TRPM6: variants seen among roughly 807,000 people sequenced by gnomAD.
TRPM6 encodes channel kinase 2.
In TRPM6, 111 loss-of-function variants were observed where a neutral mutation model predicts 247.6. That is an observed-to-expected ratio of 0.45 (90% CI 0.38 to 0.52). The LOEUF is 0.52. Ranked by LOEUF, TRPM6 falls within the 20% of genes least tolerant of loss-of-function variation. The pLI, the probability that TRPM6 is intolerant of heterozygous loss-of-function variation, is 0.00. For synonymous variants in TRPM6, 892 were observed against 853.8 expected (o/e 1.04, Z -0.78); for missense variants, 2,126 against 2,421.5 (o/e 0.88, Z 2.56).
In TRPM6 at chr9:74,841,846, T is replaced by C. The variant is rs116082216; in HGVS notation, c.330+320A>G. On this transcript the variant is annotated intron_variant, in intron 4 of 38. Coordinates refer to ENST00000360774, the MANE Select transcript of TRPM6 (RefSeq NM_017662.5). ...TAATTCCTTTATTCCAAAATTAAAA[T>C]ATTAAAATTTCTGAACATCAGGAAC... Among the ~76,000 whole-genome samples the C allele has an allele frequency of 9.8e-3, 1,493 of 152,156 alleles. 27 individuals are homozygous for C. The highest frequency in any genetic ancestry group is 0.034 in the African/African-American group (1,419 of 41,542).
intron 34 of TRPM6, 79 bp from the exon 35 acceptor site, chr9:74,739,528 C>T (rs544961850): frequency 3.5e-4 from 532 of 1,534,642 alleles, no homozygotes; most frequent in Non-Finnish European, 4.6e-4. Context: ...TAGGCTACCC[C>T]AATGTGATTT....
At chr9:74,814,947 CAA>C (rs1166709010) in intron 11 of TRPM6, among the ~76,000 whole-genome samples, 1 of 151,370 alleles carries the variant, frequency 6.6e-6, no homozygotes, top group Non-Finnish European at 1.5e-5. Flanking sequence ...GACCCTATCT[CAA>C]AAATAAATAA....
chr9:74,847,154 T>C (rs1180244030), intron 3 of TRPM6, among the ~76,000 whole-genome samples: 1 of 152,204 alleles, frequency 6.6e-6, no homozygotes, highest in Non-Finnish European at 1.5e-5. Flanking sequence ...CACATTTCCT[T>C]TGTAAAAAAA....
intron 6 of TRPM6, among the ~76,000 whole-genome samples, chr9:74,829,890 C>G (rs914690048): frequency 1.3e-5 from 2 of 151,876 alleles, no homozygotes; most frequent in African/African-American, 4.8e-5. Context: ...TTTGGGAGGC[C>G]AAGGCAGGAA....
intron 1 of TRPM6, among the ~76,000 whole-genome samples, chr9:74,886,083 T>C (rs1831519973): frequency 6.6e-6 from 1 of 152,204 alleles, no homozygotes; most frequent in Non-Finnish European, 1.5e-5. Flanking sequence ...TTGTGACAAA[T>C]TGCAACATAT....
intron 5 of TRPM6, among the ~76,000 whole-genome samples, chr9:74,837,637 G>A (rs1450081163): frequency 2.9e-4 from 44 of 151,990 alleles, no homozygotes; most frequent in African/African-American, 9.9e-4. Context: ...TAGTAGAGAC[G>A]GGGTTTCACC....
At chr9:74,741,471 T>A (rs1405734300) in intron 33 of TRPM6, among the ~76,000 whole-genome samples, 1 of 152,162 alleles carries the variant, frequency 6.6e-6, no homozygotes, top group Non-Finnish European at 1.5e-5. Context: ...CAAATATTTA[T>A]TCTTGGTGCC....
At chr9:74,878,414 C>T (rs1831256302) in intron 1 of TRPM6, among the ~76,000 whole-genome samples, 1 of 152,202 alleles carries the variant, frequency 6.6e-6, no homozygotes. Context: ...CACTAGGGCC[C>T]AAGGACTGGC....
intron 20 of TRPM6, among the ~76,000 whole-genome samples, chr9:74,787,981 C>T (rs1203923101): frequency 6.6e-6 from 1 of 151,912 alleles, no homozygotes; most frequent in Non-Finnish European, 1.5e-5. Context: ...TCCCAAAGTG[C>T]TGGGATTACA....
intron 7 of TRPM6, among the ~76,000 whole-genome samples, chr9:74,822,467 T>A (rs529938381): frequency 6.6e-6 from 1 of 151,388 alleles, no homozygotes; most frequent in African/African-American, 2.4e-5. Context: ...GTTGCTCAGG[T>A]TGATCTCAAG....
intron 1 of TRPM6, among the ~76,000 whole-genome samples, chr9:74,867,823 C>G (rs1233660945): frequency 6.6e-6 from 1 of 151,250 alleles, no homozygotes; most frequent in East Asian, 2.0e-4. Flanking sequence ...AAATTGATAC[C>G]TCTAAGAATA....
intron 25 of TRPM6, among the ~76,000 whole-genome samples, chr9:74,765,316 T>A (rs924913529): frequency 6.6e-6 from 1 of 150,810 alleles, no homozygotes; most frequent in Non-Finnish European, 1.5e-5. Context: ...GTATATGTAA[T>A]TAATTGGAGA....
At chr9:74,853,108 G>C (rs1830403389) in intron 3 of TRPM6, among the ~76,000 whole-genome samples, 1 of 150,722 alleles carries the variant, frequency 6.6e-6, no homozygotes, top group South Asian at 2.1e-4. Flanking sequence ...CCGCGACCCC[G>C]TCTGGGAACT....
intron 17 of TRPM6, among the ~76,000 whole-genome samples, chr9:74,797,309 T>C (rs1828132598): frequency 6.6e-6 from 1 of 152,156 alleles, no homozygotes; most frequent in Non-Finnish European, 1.5e-5. Context: ...CCTCTTGGTG[T>C]CCAAAGGGGA....
intron 1 of TRPM6, among the ~76,000 whole-genome samples, chr9:74,874,247 A>AAAC: frequency 6.6e-6 from 1 of 151,120 alleles, no homozygotes; most frequent in East Asian, 1.9e-4. Flanking sequence ...AAAACAAAAA[A>AAAC]AAAAAAAAAA....
At chr9:74,852,435 T>G (rs866626743) in intron 3 of TRPM6, among the ~76,000 whole-genome samples, 1 of 140,794 alleles carries the variant, frequency 7.1e-6, no homozygotes, top group Non-Finnish European at 1.6e-5. Context: ...TCCCGCTCCC[T>G]CTCCCGCTCC....
intron 11 of TRPM6, among the ~76,000 whole-genome samples, 189 bp from the exon 12 acceptor site, chr9:74,812,622 G>C (rs1027699056): frequency 1.3e-5 from 2 of 151,842 alleles, no homozygotes; most frequent in Admixed American, 6.6e-5. Flanking sequence ...AGGCTCAGTG[G>C]CGCACACCTG....
At chr9:74,886,052 T>C (rs1831519159) in intron 1 of TRPM6, among the ~76,000 whole-genome samples, 1 of 152,228 alleles carries the variant, frequency 6.6e-6, no homozygotes, top group South Asian at 2.1e-4. Context: ...TAATTGTAAA[T>C]AGGCAAGATA....
At chr9:74,750,031 C>T (rs1294889635) in intron 30 of TRPM6, among the ~76,000 whole-genome samples, 1 of 152,136 alleles carries the variant, frequency 6.6e-6, no homozygotes, top group Non-Finnish European at 1.5e-5. Context: ...ATAGAATTAT[C>T]TTTGCTTGGT....
Sources: allele counts gnomAD v4.1 joint callset (sites outside exome capture counted in the v4.1 genomes callset), GRCh38; gene constraint gnomAD v4.1.1; transcripts MANE v1.5; gene names NCBI Gene and HGNC (gene_info 2026-07-23, HGNC 2026-07-21).